Variants in CNTNAP1 observed in about 807,000 individuals in gnomAD.
The protein encoded by CNTNAP1 is contactin-associated protein 1.
Under a neutral mutation model 161.5 loss-of-function variants are expected in CNTNAP1, and 80 were observed. The ratio of observed to expected loss-of-function variants is 0.50; its 90% CI spans 0.41 to 0.60. CNTNAP1 has a LOEUF of 0.60. CNTNAP1 is among the 20% of genes least tolerant of loss of function. CNTNAP1 has a pLI of 0.00. For synonymous variants in CNTNAP1, 695 were observed against 733.1 expected, an observed-to-expected ratio of 0.95 and a Z score of 0.84; for missense variants, 1,464 against 1,854.8, an observed-to-expected ratio of 0.79 and a Z score of 3.87.
chr17:42,697,220 C>T (rs1233175861), intron 20 of CNTNAP1, 54 bp from the exon 21 acceptor site: 19 of 1,274,250 alleles, frequency 1.5e-5, no homozygotes, highest in Non-Finnish European at 2.1e-5. Flanking sequence ...CCACAGGCAT[C>T]TGCTTCTGGT....
rs748280197 is a variant in CNTNAP1 at position 42,687,970 on chromosome 17, A to T, written c.1295A>T (p.Gln432Leu). ...GCGCAGAGCGGCCGAAAGAAGCTTC[A>T]GTTCGCTGCTGGTGAGGGCGTTTCG... ...SIAQSGRKKLQFAAGYRLNDG... is the reference protein window; with the variant it reads ...SIAQSGRKKLLFAAGYRLNDG... Residue 432 changes from glutamine (Q) to leucine (L), a missense_variant, in exon 8 of 24, where the codon CAG becomes CTG. Coordinates refer to ENST00000264638, the MANE Select transcript of CNTNAP1 (RefSeq NM_003632.3). This position sits in a 1 kb window ranked among gnomAD's most constrained non-coding sequence, Gnocchi z 4.7. 2.4e-5 allele frequency: 38 copies of T among 1,612,888 alleles called. No homozygotes were observed. Among genetic ancestry groups the T allele is most frequent in the Admixed American group, 3.3e-5 (2 of 59,926 alleles).
In CNTNAP1 at chr17:42,686,693, A is replaced by C. The variant is rs1029986442; in HGVS notation, c.901-210A>C. ...CCCAGGCAGGCTAATTGACTTGCCC[A>C]AGGGCGTGCAGCCGATTTGTGTTGG... On this transcript the variant is annotated intron_variant, in intron 6 of 23. Coordinates refer to ENST00000264638, the MANE Select transcript of CNTNAP1 (RefSeq NM_003632.3). Among the ~76,000 whole-genome samples the C allele has an allele frequency of 4.6e-5, 7 of 152,236 alleles. No individual in the cohort carries two copies. In the East Asian group the frequency reaches 9.6e-4, roughly 21 times the overall value.
In CNTNAP1 at chr17:42,687,664, C is replaced by G. The variant is rs2053034326; in HGVS notation, c.1045-56C>G. On this transcript the variant is annotated intron_variant, in intron 7 of 23. Coordinates refer to ENST00000264638, the MANE Select transcript of CNTNAP1 (RefSeq NM_003632.3). This position sits in a 1 kb window ranked among gnomAD's most constrained non-coding sequence, Gnocchi z 4.7. ...TTAGACCGGTGTGAAAACTGAATTC[C>G]CAGCTGAGGCAGAGGCGGCTCACGG... 6.3e-7 allele frequency: 1 copy of G among 1,586,056 alleles called. No individual in the cohort carries two copies. Among genetic ancestry groups the G allele is most frequent in the Admixed American group, 1.7e-5 (1 of 57,474 alleles).
rs769633157 is a variant in CNTNAP1 at position 42,696,156 on chromosome 17, T to C, written c.3474+4T>C. 9.9e-6 allele frequency: 16 copies of C among 1,614,136 alleles called. No individual in the cohort carries two copies. The East Asian group carries it at 3.1e-4, about 31-fold the overall frequency. On this transcript the variant is annotated splice_donor_region_variant and intron_variant, in intron 20 of 23. Coordinates refer to ENST00000264638, the MANE Select transcript of CNTNAP1 (RefSeq NM_003632.3). Reference sequence around the variant, plus strand: ...TTACCGGAACCTCTTCATCCAGGTATGCATAGAGGGAGGTGAGCCAGTTCA... The same window carrying C: ...TTACCGGAACCTCTTCATCCAGGTACGCATAGAGGGAGGTGAGCCAGTTCA...
At chr17:42,684,916 C>T in intron 3 of CNTNAP1, 75 bp from the exon 4 acceptor site, 1 of 1,534,494 alleles carries the variant, frequency 6.5e-7, no homozygotes, top group Non-Finnish European at 8.7e-7. Flanking sequence ...CAGAGCGAGA[C>T]TCTGTCTCAA....
At position 42,684,109 on chromosome 17, in the gene CNTNAP1, G is replaced by A. The variant is rs1485708001; in HGVS notation, c.243G>A (p.Arg81=). Reference sequence around the variant, plus strand: ...AGATAGACTTAATGAAGAAGCACCGGATCCGGGCCGTGGCCACACAGGGCT... The same window carrying A: ...AGATAGACTTAATGAAGAAGCACCGAATCCGGGCCGTGGCCACACAGGGCT... ...WLQIDLMKKH[R]IRAVATQGSF... The change falls in exon 3 of 24, where the codon CGG becomes CGA. Residue 81 remains arginine (R), a synonymous_variant. Transcript: ENST00000264638. The A allele has an allele frequency of 8.1e-6, 13 of 1,614,206 alleles. No homozygotes were observed. Among genetic ancestry groups the A allele is most frequent in the Non-Finnish European group, 1.1e-5 (13 of 1,180,030 alleles).
rs372178416 is a variant in CNTNAP1, at chr17:42,692,019, C to T, written c.2530+28C>T. 1.2e-4 allele frequency: 200 copies of T among 1,606,384 alleles called. 1 individual carries two copies. The Middle Eastern group carries it at 5.6e-3, about 45-fold the overall frequency. ...GAGCAGGCAGACTGTGGGAGGGCCT[C>T]GGGGTAGATGAAAGTGCTGTCTGGG... On this transcript the variant is annotated intron_variant, in intron 16 of 23. Coordinates refer to ENST00000264638, the MANE Select transcript of CNTNAP1 (RefSeq NM_003632.3).
rs753288783 is a variant in CNTNAP1 at position 42,693,381 on chromosome 17, G to A, written c.2837G>A (p.Arg946His). The A allele has an allele frequency of 2.0e-5, 32 of 1,614,086 alleles. No homozygotes were observed. Among genetic ancestry groups the A allele is most frequent in the Middle Eastern group, 1.6e-4 (1 of 6,084 alleles). Residue 946 changes from arginine (R) to histidine (H), a missense_variant, in exon 18 of 24, where the codon CGT becomes CAT. Arg to His is a conservative substitution (Grantham distance 29). Around this residue, in one of 3 missense-constraint regions of CNTNAP1, gnomAD observed 1,383 missense variants for 1,765.0 expected, o/e 0.78. Transcript: ENST00000264638. ...GGAGTGACTCTGAACCTGGAGGGCC[G>A]TGCCAATGCCTCTGAGGGTACCTCA... ...LNGVTLNLEG[R>H]ANASEGTSPN...
In CNTNAP1 at chr17:42,686,954, C is replaced by T. The variant is rs2053024802; in HGVS notation, c.952C>T (p.His318Tyr). Residue 318 changes from histidine to tyrosine, a missense_variant, in exon 7 of 24, where the codon CAT (histidine) becomes TAT (tyrosine). Transcript: ENST00000264638. ...GAARKNLAYRHNFRGCIENVI... is the reference protein window; with the variant it reads ...GAARKNLAYRYNFRGCIENVI... The stretch of plus-strand genomic sequence containing the variant: ...CGCGCGGAAGAACCTGGCCTATCGG[C>T]ATAACTTCCGCGGCTGCATAGAAAA... 6.2e-7 allele frequency: 1 copy of T among 1,613,918 alleles called. No homozygotes were observed. The highest frequency in any genetic ancestry group is 2.2e-5 in the East Asian group (1 of 44,886).
In CNTNAP1 at chr17:42,698,534, CGT is replaced by C. The variant is rs112344327; in HGVS notation, c.3863-51_3863-50del. 0.19 allele frequency: 152,939 copies of C among 802,410 alleles called. 66 individuals are homozygous for C. Among genetic ancestry groups the C allele is most frequent in the East Asian group, 0.3 (9,519 of 32,128 alleles). The allele number at this position is 802,410 out of a possible 1,614,324, so 49.7% of individuals were successfully genotyped here. A position where few individuals can be genotyped will look rare whatever the true frequency, so the allele number is the denominator to read the frequency against. On this transcript the variant is annotated intron_variant, in intron 23 of 23. Coordinates refer to ENST00000264638, the MANE Select transcript of CNTNAP1 (RefSeq NM_003632.3). Reference sequence around the variant, plus strand: ...TATACAGGTGAAATCTCAAAGAGTGCGTGTGTGTGTGTGTGTGTGTGTGTGTG... The same window carrying C: ...TATACAGGTGAAATCTCAAAGAGTGCGTGTGTGTGTGTGTGTGTGTGTGTG...
chr17:42,686,126 G>A lies in CNTNAP1; in HGVS notation c.885G>A (p.Leu295=). Residue 295 remains leucine, a synonymous_variant, in exon 6 of 24, where the codon CTG becomes CTA. Coordinates refer to ENST00000264638, the MANE Select transcript of CNTNAP1 (RefSeq NM_003632.3). The part of the protein sequence containing the change: ...RFILNGDFER[L]NLDTEMFIGG... ...TTCTCAATGGAGACTTCGAGAGGCT[G>A]AACCTGGACACTGAGGTGAGAGACT... is the stretch of plus-strand genomic sequence containing the variant. 4 of 1,614,190 alleles carry A rather than the reference G, an allele frequency of 2.5e-6. No individual in the cohort carries two copies. Among genetic ancestry groups the A allele is most frequent in the Non-Finnish European group, 3.4e-6 (4 of 1,180,032 alleles).
intron 1 of CNTNAP1, 116 bp downstream of exon 1, chr17:42,683,012 C>G: frequency 2.1e-6 from 2 of 971,828 alleles, no homozygotes; most frequent in Non-Finnish European, 1.5e-6. Flanking sequence ...CGGCGCGCGC[C>G]CGCTGGCTCT....
At position 42,690,877 on chromosome 17, in the gene CNTNAP1, C is replaced by T; in HGVS notation, c.1994C>T (p.Ala665Val). Reference protein sequence around the residue: ...SWEEVSALANASQHCEQWIEF... With the variant: ...SWEEVSALANVSQHCEQWIEF... ...GAGGAAGTCAGTGCCCTTGCCAATGCTTCCCAGCATTGTGAACAGTGGATC... is the reference window on the plus strand; with the variant it reads ...GAGGAAGTCAGTGCCCTTGCCAATGTTTCCCAGCATTGTGAACAGTGGATC... The change falls in exon 13 of 24, where the codon GCT becomes GTT. Residue 665 changes from alanine (A) to valine (V), a missense_variant. By Grantham distance (64) the Ala-to-Val change is moderately conservative (BLOSUM62 0). Around this residue, in one of 3 missense-constraint regions of CNTNAP1, gnomAD observed 1,383 missense variants for 1,765.0 expected, o/e 0.78. Coordinates refer to ENST00000264638, the MANE Select transcript of CNTNAP1 (RefSeq NM_003632.3). 1 of 1,614,234 alleles carries T rather than the reference C, an allele frequency of 6.2e-7. No individual in the cohort carries two copies. Among genetic ancestry groups the T allele is most frequent in the Middle Eastern group, 1.6e-4 (1 of 6,062 alleles).
In CNTNAP1 at chr17:42,691,801, T is replaced by C; in HGVS notation, c.2345-5T>C. The C allele has an allele frequency of 6.2e-7, 1 of 1,613,730 alleles. No individual in the cohort carries two copies. Among genetic ancestry groups the C allele is most frequent in the South Asian group, 1.1e-5 (1 of 91,070 alleles). On this transcript the variant is annotated splice_polypyrimidine_tract_variant and splice_region_variant and intron_variant, in intron 15 of 23. Coordinates refer to ENST00000264638, the MANE Select transcript of CNTNAP1 (RefSeq NM_003632.3). This position sits in a 1 kb window ranked among gnomAD's most constrained non-coding sequence, Gnocchi z 4.3. ...GACAAGACCTTCCTCCATCTGCTTT[T>C]CTAGGAAATTCCTGGAACACCATTT...
At position 42,682,778 on chromosome 17, in the gene CNTNAP1, C is replaced by A. The variant is rs567949826; in HGVS notation, c.-52C>A. The A allele has an allele frequency of 3.9e-6, 6 of 1,534,842 alleles. No individual in the cohort carries two copies. The highest frequency in any genetic ancestry group is 2.4e-5 in the South Asian group (2 of 83,950). Reference sequence around the variant, plus strand: ...CTTGGAGCCCAAGCCAGAACTCGAGCCCTAGCCGGAGCCGTTCACAGGGAG... The same window carrying A: ...CTTGGAGCCCAAGCCAGAACTCGAGACCTAGCCGGAGCCGTTCACAGGGAG... On this transcript the variant is annotated 5_prime_UTR_variant, in exon 1 of 24. Coordinates refer to ENST00000264638, the MANE Select transcript of CNTNAP1 (RefSeq NM_003632.3).
At chr17:42,692,958 C>CTTT (rs1246701076) in intron 17 of CNTNAP1, among the ~76,000 whole-genome samples, 1 of 140,442 alleles carries the variant, frequency 7.1e-6, no homozygotes. Flanking sequence ...CATTTCTTTT[C>CTTT]TTTTTTTTTT....
rs2053101640 is a variant in CNTNAP1, at chr17:42,692,584, T to C, written c.2616T>C (p.Asp872=). 1 of 1,614,212 alleles carries C rather than the reference T, an allele frequency of 6.2e-7. No homozygotes were observed. The highest frequency in any genetic ancestry group is 8.5e-7 in the Non-Finnish European group (1 of 1,180,032). The part of the protein sequence containing the change: ...TVHSDDFEFN[D]DEWHLVRAEI... The stretch of plus-strand genomic sequence containing the variant: ...ACTCAGACGACTTTGAGTTCAATGA[T>C]GACGAGTGGCACCTGGTCCGGGCTG... The change falls in exon 17 of 24, where the codon GAT becomes GAC. Residue 872 remains aspartate, a synonymous_variant. Transcript: ENST00000264638.
chr17:42,688,450 A>G lies in CNTNAP1; in HGVS notation c.1307-12A>G, dbSNP rs777990864. The stretch of plus-strand genomic sequence containing the variant: ...CTTCCCTCCACCCACACCATCATCC[A>G]TTCTTGTCCAGGGTACCGACTGAAT... On this transcript the variant is annotated splice_polypyrimidine_tract_variant and intron_variant, in intron 8 of 23. Transcript: ENST00000264638. 6 of 1,614,192 alleles carry G rather than the reference A, an allele frequency of 3.7e-6. No homozygotes were observed. Among genetic ancestry groups the G allele is most frequent in the East Asian group, 2.2e-5 (1 of 44,880 alleles).
intron 6 of CNTNAP1, 67 bp from the exon 7 acceptor site, chr17:42,686,830 TACGGCG>T: frequency 6.7e-7 from 1 of 1,496,984 alleles, no homozygotes; most frequent in Admixed American, 2.1e-5. Flanking sequence ...TGGGAAAGCA[TACGGCG>T]GGGACGCGCG....
Sources: allele counts gnomAD v4.1 joint callset (sites outside exome capture counted in the v4.1 genomes callset), GRCh38; gene constraint gnomAD v4.1.1; regional missense constraint gnomAD v4.1.1; non-coding constraint Gnocchi (gnomAD v3.1); transcripts MANE v1.5; gene names NCBI Gene and HGNC (gene_info 2026-07-23, HGNC 2026-07-21).